CEP63: variants seen among roughly 807,000 people sequenced by gnomAD.
CEP63 encodes the protein centrosomal protein of 63 kDa.
In CEP63, 84 loss-of-function variants were observed where a neutral mutation model predicts 89.1. The ratio of observed to expected loss-of-function variants is 0.94; its 90% CI spans 0.79 to 1.13. The LOEUF (loss-of-function observed/expected upper bound fraction) is 1.13. Among genes scored for constraint, CEP63 ranks in the 50% most tolerant of loss-of-function variants. The pLI is 0.00. For missense variants in CEP63, 838 were observed against 813.3 expected, an observed-to-expected ratio of 1.03 and a Z score of -0.37; for synonymous variants, 267 against 272.5, an observed-to-expected ratio of 0.98 and a Z score of 0.20.
the CEP63 span, among the ~76,000 whole-genome samples, chr3:134,775,195 C>T: frequency 6.6e-6 from 1 of 152,198 alleles, no homozygotes; most frequent in Non-Finnish European, 1.5e-5. Flanking sequence ...TAAGCAGAGC[C>T]TGAGACAAGG....
the CEP63 span, among the ~76,000 whole-genome samples, chr3:134,774,501 G>A: frequency 1.3e-5 from 2 of 152,242 alleles, no homozygotes; most frequent in East Asian, 3.8e-4. Context: ...CACATGGGAA[G>A]CCTGGAGATG....
At chr3:134,611,345 G>A in the CEP63 span, among the ~76,000 whole-genome samples, 1 of 152,156 alleles carries the variant, frequency 6.6e-6, no homozygotes, top group Non-Finnish European at 1.5e-5. Flanking sequence ...TGGGCTGTGG[G>A]CACCAGTCCA....
Position 134,559,340 on chromosome 3 carries a change from T to A in CEP63, c.1864T>A (p.Ser622Thr), listed in dbSNP as rs1346509014. ...LTSYSLCKTH[S>T]LPSALDTNEA... Reference sequence around the variant, plus strand: ...TTCCTACTCTCTATGTAAAACTCATTCTTTGCCTTCAGCGCTAGATACAAA... The same window carrying A: ...TTCCTACTCTCTATGTAAAACTCATACTTTGCCTTCAGCGCTAGATACAAA... Residue 622 changes from serine to threonine, a missense_variant, in exon 14 of 15, where the codon TCT becomes ACT. By Grantham distance (58) the Ser-to-Thr change is moderately conservative. Transcript: ENST00000675561. The A allele has an allele frequency of 6.2e-7, 1 of 1,614,182 alleles. No individual in the cohort carries two copies. The highest frequency in any genetic ancestry group is 8.5e-7 in the Non-Finnish European group (1 of 1,180,000).
intron 7 of CEP63, 140 bp from the exon 8 acceptor site, chr3:134,546,008 GT>G: frequency 1.1e-6 from 1 of 926,616 alleles, no homozygotes; most frequent in Admixed American, 2.6e-5. Flanking sequence ...ATATTGTTAC[GT>G]AACTTATAGT....
the CEP63 span, among the ~76,000 whole-genome samples, chr3:134,667,874 G>A: frequency 7.9e-5 from 12 of 152,232 alleles, no homozygotes; most frequent in African/African-American, 2.7e-4. Context: ...TTTTATTGGT[G>A]AGTAAGATGA....
chr3:134,686,585 G>A, the CEP63 span, among the ~76,000 whole-genome samples: 3 of 152,198 alleles, frequency 2.0e-5, no homozygotes, highest in Non-Finnish European at 4.4e-5. Context: ...ACTGTCCACA[G>A]CGGACATAAG....
chr3:134,548,549 A>G (rs2109757686), intron 9 of CEP63, among the ~76,000 whole-genome samples: 1 of 152,296 alleles, frequency 6.6e-6, no homozygotes, highest in Middle Eastern at 3.4e-3. Context: ...GTACACTGAC[A>G]TTTTCTGTAT....
the CEP63 span, among the ~76,000 whole-genome samples, chr3:134,692,997 G>T: frequency 6.6e-6 from 1 of 152,170 alleles, no homozygotes; most frequent in South Asian, 2.1e-4. Context: ...AGCCAGAGCT[G>T]TTATACAGGT....
rs752207334 is a variant in CEP63, at chr3:134,549,061, G to T, written c.1068-1G>T. On this transcript the variant is annotated splice_acceptor_variant, in intron 9 of 14. Coordinates refer to ENST00000675561, the MANE Select transcript of CEP63 (RefSeq NM_001353108.3). LOFTEE classifies it high-confidence loss of function. Reference sequence around the variant, plus strand: ...TATGGGATCTTATTTTTGTCATACAGTTTGGAATCTGTGAGTGCAACGTGT... The same window carrying T: ...TATGGGATCTTATTTTTGTCATACATTTTGGAATCTGTGAGTGCAACGTGT... 2 of 1,600,514 alleles carry T rather than the reference G, an allele frequency of 1.2e-6. No homozygotes were observed. The highest frequency in any genetic ancestry group is 1.7e-5 in the Admixed American group (1 of 60,006).
chr3:134,648,300 C>T, the CEP63 span, among the ~76,000 whole-genome samples: 3 of 152,304 alleles, frequency 2.0e-5, no homozygotes, highest in South Asian at 4.1e-4. Flanking sequence ...CCAGCCCTCT[C>T]AACCACTCAG....
chr3:134,775,924 C>A, the CEP63 span, among the ~76,000 whole-genome samples: 1 of 152,106 alleles, frequency 6.6e-6, no homozygotes, highest in African/African-American at 2.4e-5. Flanking sequence ...GCAGGCACCC[C>A]TCCCGGTCTC....
the CEP63 span, among the ~76,000 whole-genome samples, chr3:134,716,516 C>G: frequency 6.6e-6 from 1 of 152,146 alleles, no homozygotes; most frequent in African/African-American, 2.4e-5. Context: ...TGTGCCCTTC[C>G]TGTCATGCAT....
At chr3:134,638,410 C>T in the CEP63 span, among the ~76,000 whole-genome samples, 45 of 152,260 alleles carry the variant, frequency 3.0e-4, 1 homozygote, top group African/African-American at 1.1e-3. Flanking sequence ...TACATTATTC[C>T]AATCTTGACT....
At chr3:134,691,499 T>A in the CEP63 span, among the ~76,000 whole-genome samples, 1 of 150,950 alleles carries the variant, frequency 6.6e-6, no homozygotes, top group African/African-American at 2.4e-5. Context: ...GTGCCTGTAG[T>A]CACAGCTGCT....
chr3:134,606,896 T>G, the CEP63 span: 2 of 984,454 alleles, frequency 2.0e-6, no homozygotes, highest in Non-Finnish European at 2.4e-6. Flanking sequence ...GGTGCCCTCT[T>G]CCTTCCCTTC....
At chr3:134,516,023 G>A (rs1488139390) in intron 3 of CEP63, among the ~76,000 whole-genome samples, 2 of 152,162 alleles carry the variant, frequency 1.3e-5, no homozygotes, top group Non-Finnish European at 2.9e-5. Flanking sequence ...GACACAAAGT[G>A]TAGAGAAAGA....
the CEP63 span, among the ~76,000 whole-genome samples, chr3:134,617,032 T>C: frequency 3.9e-5 from 6 of 152,298 alleles, no homozygotes; most frequent in African/African-American, 1.4e-4. Context: ...GCCAGGTCTT[T>C]CTGGCTTTAA....
chr3:134,753,944 G>A, the CEP63 span, among the ~76,000 whole-genome samples: 2 of 152,318 alleles, frequency 1.3e-5, no homozygotes, highest in South Asian at 4.1e-4. Context: ...TGAGGTTTGT[G>A]CTTGCACGTG....
At chr3:134,668,227 G>A in the CEP63 span, among the ~76,000 whole-genome samples, 1 of 152,214 alleles carries the variant, frequency 6.6e-6, no homozygotes, top group Non-Finnish European at 1.5e-5. Context: ...GGGCTACACT[G>A]TGATGCTGCC....
Sources: allele counts gnomAD v4.1 joint callset (sites outside exome capture counted in the v4.1 genomes callset), GRCh38; gene constraint gnomAD v4.1.1; transcripts MANE v1.5; gene names NCBI Gene and HGNC (gene_info 2026-07-23, HGNC 2026-07-21).